The following CCSER1 variants were observed in gnomAD, a reference collection of about 807,000 sequenced individuals.
CCSER1 encodes the protein serine-rich coiled-coil domain-containing protein 1.
Under a neutral mutation model 82.0 loss-of-function variants are expected in CCSER1, and 41 were observed. That is an observed-to-expected ratio of 0.50 (90% confidence interval 0.39 to 0.65). The LOEUF is 0.65. Among genes scored for constraint, CCSER1 ranks in the 30% least tolerant of loss-of-function variants. The pLI, the probability that CCSER1 is intolerant of heterozygous loss-of-function variation, is 0.00. For missense variants in CCSER1, 1,119 were observed against 1,064.2 expected (o/e 1.05, Z -0.72); for synonymous variants, 414 against 383.9 (o/e 1.08, Z -0.92).
In CCSER1 at chr4:90,538,116, A is replaced by G. The variant is rs1775642776; in HGVS notation, c.1724+69762A>G. Among the ~76,000 whole-genome samples the G allele has an allele frequency of 2.6e-5, 4 of 151,942 alleles. No homozygotes were observed. In the South Asian group the frequency reaches 8.3e-4, roughly 32 times the overall value. On this transcript the variant is annotated intron_variant, in intron 5 of 10. Coordinates refer to ENST00000509176, the MANE Select transcript of CCSER1 (RefSeq NM_001145065.2). Reference sequence around the variant, plus strand: ...GCACAGATATCTTTTCATTCTTTTCAGATATAAGGTGGATTTTATTTTTCT... The same window carrying G: ...GCACAGATATCTTTTCATTCTTTTCGGATATAAGGTGGATTTTATTTTTCT...
At chr4:90,804,032 A>G (rs987999555) in intron 7 of CCSER1, among the ~76,000 whole-genome samples, 8 of 152,090 alleles carry the variant, frequency 5.3e-5, no homozygotes, top group Non-Finnish European at 7.4e-5. Context: ...GTCTGTTCAT[A>G]TCCTTTGCCC....
chr4:90,713,705 G>A lies in CCSER1; in HGVS notation c.1933-10209G>A, dbSNP rs182720223. Reference sequence around the variant, plus strand: ...ATGTTGGCCTGTCTTGCTTGGTTGGGGAAGTTCTTCTGGATGATATCCTGG... The same window carrying A: ...ATGTTGGCCTGTCTTGCTTGGTTGGAGAAGTTCTTCTGGATGATATCCTGG... On this transcript the variant is annotated intron_variant, in intron 6 of 10. Coordinates refer to ENST00000509176, the MANE Select transcript of CCSER1 (RefSeq NM_001145065.2). Among the ~76,000 whole-genome samples, 72 of 151,902 alleles carry A rather than the reference G, an allele frequency of 4.7e-4. 1 individual carries two copies. In the East Asian group the frequency reaches 0.011, roughly 24 times the overall value.
intron 6 of CCSER1, among the ~76,000 whole-genome samples, chr4:90,706,064 C>G (rs944386376): frequency 1.3e-5 from 2 of 152,194 alleles, no homozygotes; most frequent in African/African-American, 4.8e-5. Context: ...TTCTGGGTCG[C>G]TCATGTTGGG....
At chr4:91,082,581 G>T (rs529570192) in intron 9 of CCSER1, among the ~76,000 whole-genome samples, 4 of 152,224 alleles carry the variant, frequency 2.6e-5, no homozygotes, top group African/African-American at 9.6e-5. Flanking sequence ...AAACTAAAGA[G>T]CTTCTGCACA....
At chr4:90,243,409 C>T (rs900796780) in intron 1 of CCSER1, among the ~76,000 whole-genome samples, 4 of 152,026 alleles carry the variant, frequency 2.6e-5, no homozygotes, top group South Asian at 2.1e-4. Flanking sequence ...CCACCATGCT[C>T]AGCTAATTTT....
At position 91,332,573 on chromosome 4, in the gene CCSER1, T is replaced by TA. The variant is rs35040789; in HGVS notation, c.2217+246588dup. ...TATAATAAATTCCATAACTTTCAGA[T>TA]AAAAAAAAAGGGCCATTTAACTTAC... On this transcript the variant is annotated intron_variant, in intron 10 of 10. Coordinates refer to ENST00000509176, the MANE Select transcript of CCSER1 (RefSeq NM_001145065.2). 0.014 allele frequency among the ~76,000 whole-genome samples: 2,021 copies of TA among 149,532 alleles called. 110 individuals carry two copies. In the East Asian group the frequency reaches 0.17, roughly 13 times the overall value.
intron 8 of CCSER1, among the ~76,000 whole-genome samples, chr4:90,859,418 A>G (rs1022604876): frequency 1.3e-5 from 2 of 151,846 alleles, no homozygotes; most frequent in Admixed American, 6.6e-5. Context: ...TTTATGGGAA[A>G]AAGGCTCTTT....
At chr4:91,184,792 C>T (rs1171608471) in intron 10 of CCSER1, among the ~76,000 whole-genome samples, 1 of 152,040 alleles carries the variant, frequency 6.6e-6, no homozygotes, top group Non-Finnish European at 1.5e-5. Flanking sequence ...TTTTCTAGTT[C>T]CATACCAGGG....
chr4:90,795,409 T>A (rs1271533654), intron 7 of CCSER1, among the ~76,000 whole-genome samples: 1 of 152,034 alleles, frequency 6.6e-6, no homozygotes, highest in Non-Finnish European at 1.5e-5. Flanking sequence ...GATTATGGGG[T>A]TTTCTAGATA....
chr4:90,749,045 G>C (rs1403833550), intron 7 of CCSER1, among the ~76,000 whole-genome samples: 1 of 151,768 alleles, frequency 6.6e-6, no homozygotes, highest in Non-Finnish European at 1.5e-5. Flanking sequence ...AGTTTAATTA[G>C]ATCCCATTTG....
intron 1 of CCSER1, among the ~76,000 whole-genome samples, chr4:90,152,252 A>G (rs1727004742): frequency 6.6e-6 from 1 of 152,156 alleles, no homozygotes; most frequent in African/African-American, 2.4e-5. Context: ...GAAACTCACA[A>G]CTGTGCACCA....
At chr4:91,029,105 G>C (rs1740745684) in intron 9 of CCSER1, among the ~76,000 whole-genome samples, 1 of 151,930 alleles carries the variant, frequency 6.6e-6, no homozygotes, top group Non-Finnish European at 1.5e-5. Flanking sequence ...AGAGTATAGA[G>C]TGATCCTCTT....
At chr4:90,484,170 A>G (rs1578725158) in intron 5 of CCSER1, among the ~76,000 whole-genome samples, 1 of 152,092 alleles carries the variant, frequency 6.6e-6, no homozygotes, top group East Asian at 1.9e-4. Flanking sequence ...CGCATCGGTT[A>G]CTGAGGCTTG....
chr4:90,157,010 A>G (rs911567011), intron 1 of CCSER1, among the ~76,000 whole-genome samples: 4 of 152,154 alleles, frequency 2.6e-5, no homozygotes, highest in Non-Finnish European at 5.9e-5. Flanking sequence ...AGTGGCTGGT[A>G]CCTGTTGTTC....
intron 5 of CCSER1, among the ~76,000 whole-genome samples, chr4:90,624,147 A>C (rs1330252337): frequency 6.6e-6 from 1 of 152,216 alleles, no homozygotes; most frequent in Non-Finnish European, 1.5e-5. Context: ...CAGAAATCAC[A>C]GTTACATTAT....
chr4:90,406,045 C>A (rs1753668554), intron 4 of CCSER1, among the ~76,000 whole-genome samples: 1 of 152,018 alleles, frequency 6.6e-6, no homozygotes, highest in South Asian at 2.1e-4. Flanking sequence ...AGCCTAAATG[C>A]TCCACTGAAA....
chr4:91,044,756 G>A (rs1438383678), intron 9 of CCSER1, among the ~76,000 whole-genome samples: 2 of 152,150 alleles, frequency 1.3e-5, no homozygotes, highest in Middle Eastern at 3.4e-3. Context: ...ACCTCACCAG[G>A]TTAGATCCAC....
intron 8 of CCSER1, among the ~76,000 whole-genome samples, chr4:90,846,826 T>C (rs781156079): frequency 6.6e-6 from 1 of 152,082 alleles, no homozygotes; most frequent in Non-Finnish European, 1.5e-5. Flanking sequence ...TTTTTGTATT[T>C]TTAGTAGAGA....
Position 91,487,664 on chromosome 4 carries a change from C to G in CCSER1, c.2218-110908C>G, listed in dbSNP as rs112381967. On this transcript the variant is annotated intron_variant, in intron 10 of 10. Coordinates refer to ENST00000509176, the MANE Select transcript of CCSER1 (RefSeq NM_001145065.2). The stretch of plus-strand genomic sequence containing the variant: ...GCTTAATATAATATTATGTAACTCT[C>G]AAATTTTCTATAATTTTAATTTCCT... 6.4e-4 allele frequency among the ~76,000 whole-genome samples: 98 copies of G among 152,144 alleles called. 1 individual carries two copies. The highest frequency in any genetic ancestry group is 2.0e-3 in the African/African-American group (85 of 41,554).
Sources: allele counts gnomAD v4.1 joint callset (sites outside exome capture counted in the v4.1 genomes callset), GRCh38; gene constraint gnomAD v4.1.1; transcripts MANE v1.5; gene names NCBI Gene and HGNC (gene_info 2026-07-23, HGNC 2026-07-21).